The following DNAJC1 variants were observed in gnomAD, a reference collection of about 807,000 sequenced individuals.
DNAJC1 encodes dnaJ homolog subfamily C member 1.
Under a neutral mutation model 76.6 loss-of-function variants are expected in DNAJC1, and 58 were observed. The ratio of observed to expected loss-of-function variants is 0.76; its 90% CI spans 0.61 to 0.94. The LOEUF is 0.94. DNAJC1 is among the 40% of genes least tolerant of loss of function. The probability of loss-of-function intolerance (pLI) is 0.00; values close to 1 mark genes in which losing one functional copy is unlikely to be tolerated. For synonymous variants in DNAJC1, 258 were observed against 267.9 expected, an observed-to-expected ratio of 0.96 and a Z score of 0.36; for missense variants, 689 against 677.3, an observed-to-expected ratio of 1.02 and a Z score of -0.19.
At position 21,759,222 on chromosome 10, in the gene DNAJC1, C is replaced by A. The variant is rs775518409; in HGVS notation, c.1544G>T (p.Gly515Val). ...LELALQQYPR[G>V]SSDRWDKIAR... is the part of the protein sequence containing the mutation. ...TATTTTGTCCCAGCGGTCAGAGGATCCCCTTGGGTACTGCTGCAACGCCAG... is the reference window on the plus strand; with the variant it reads ...TATTTTGTCCCAGCGGTCAGAGGATACCCTTGGGTACTGCTGCAACGCCAG... The change falls in exon 11 of 12, where the codon GGA (glycine) becomes GTA (valine). Residue 515 changes from glycine to valine, a missense_variant. By Grantham distance (109) the Gly-to-Val change is moderately radical. Transcript: ENST00000376980. 11 of 1,614,194 alleles carry A rather than the reference C, an allele frequency of 6.8e-6. No individual in the cohort carries two copies. The Admixed American group carries it at 1.2e-4, about 17-fold the overall frequency.
At chr10:21,766,676 A>G (rs370563517) in intron 9 of DNAJC1, among the ~76,000 whole-genome samples, 3 of 152,180 alleles carry the variant, frequency 2.0e-5, no homozygotes, top group South Asian at 4.2e-4. Context: ...CTCTTAAAAG[A>G]TACTACTTTC....
intron 6 of DNAJC1, among the ~76,000 whole-genome samples, chr10:21,916,822 T>C (rs1836963639): frequency 6.6e-6 from 1 of 152,144 alleles, no homozygotes; most frequent in Admixed American, 6.5e-5. Flanking sequence ...CAATCTAAAG[T>C]ACTTTCTAAA....
In DNAJC1 at chr10:21,927,292, C is replaced by T. The variant is rs532098070; in HGVS notation, c.371+1214G>A. Reference sequence around the variant, plus strand: ...GACAAGCAGAGGTATTCAAATTAAACGGTTAAGATGAGAATCAAGAATGGT... The same window carrying T: ...GACAAGCAGAGGTATTCAAATTAAATGGTTAAGATGAGAATCAAGAATGGT... On this transcript the variant is annotated intron_variant, in intron 3 of 11. Coordinates refer to ENST00000376980, the MANE Select transcript of DNAJC1 (RefSeq NM_022365.4). Among the ~76,000 whole-genome samples, 19 of 152,238 alleles carry T rather than the reference C, an allele frequency of 1.2e-4. No homozygotes were observed. The South Asian group carries it at 3.1e-3, about 25-fold the overall frequency.
intron 8 of DNAJC1, among the ~76,000 whole-genome samples, chr10:21,844,580 G>A (rs771739896): frequency 1.3e-5 from 2 of 152,008 alleles, no homozygotes; most frequent in Non-Finnish European, 2.9e-5. Context: ...ATTCAACTTT[G>A]CATTTTTGAT....
At chr10:21,804,048 C>T (rs1834852143) in intron 9 of DNAJC1, 4 of 760,662 alleles carry the variant, frequency 5.3e-6, no homozygotes, top group Non-Finnish European at 6.4e-6. Context: ...ATGCTTTTGA[C>T]AGCACCAAGA....
Position 22,003,445 on chromosome 10 carries a change from T to A in DNAJC1, c.-11A>T, listed in dbSNP as rs1445331704. ...GCAAGGAGCCGTCATCGCGCTGGGC[T>A]CGGAAAGGTCACCCGCCGCGCAGCT... On this transcript the variant is annotated 5_prime_UTR_variant, in exon 1 of 12. Transcript: ENST00000376980. The A allele has an allele frequency of 3.0e-6, 4 of 1,354,842 alleles. No homozygotes were observed. Among genetic ancestry groups the A allele is most frequent in the Non-Finnish European group, 3.8e-6 (4 of 1,058,860 alleles). 83.9% of individuals were successfully genotyped at this position (1,354,842 alleles called of 1,614,324 possible). A position where few individuals can be genotyped will look rare whatever the true frequency, so the allele number is the denominator to read the frequency against.
rs1297246810 is a variant in DNAJC1 at position 21,837,851 on chromosome 10, C to T, written c.979-31752G>A. Among the ~76,000 whole-genome samples, 47 of 140,328 alleles carry T rather than the reference C, an allele frequency of 3.3e-4. 1 individual carries two copies. Among genetic ancestry groups the T allele is most frequent in the African/African-American group, 1.1e-3 (41 of 37,862 alleles). The allele number at this position is 140,328 out of a possible 152,430, so 92.1% of individuals were successfully genotyped here. A position where few individuals can be genotyped will look rare whatever the true frequency, so the allele number is the denominator to read the frequency against. On this transcript the variant is annotated intron_variant, in intron 8 of 11. Transcript: ENST00000376980. ...GGGGGGCAGCCCCCGCCTGGCCAGC[C>T]GCCCCGTCCGGGAGGGAGGTGGGGG...
intron 9 of DNAJC1, among the ~76,000 whole-genome samples, chr10:21,771,348 G>A (rs7899191): frequency 0.033 from 4,970 of 152,242 alleles, 130 homozygotes; most frequent in Middle Eastern, 0.065. Flanking sequence ...AGACATCCTT[G>A]TTTTGTTCTT....
intron 1 of DNAJC1, among the ~76,000 whole-genome samples, chr10:21,995,982 A>G (rs1448276699): frequency 1.3e-5 from 2 of 152,090 alleles, no homozygotes; most frequent in East Asian, 3.8e-4. Flanking sequence ...CTATGCTGTT[A>G]TTTAAAACAT....
At chr10:21,865,719 T>C (rs1835987084) in intron 8 of DNAJC1, 1 of 152,166 alleles carries the variant, frequency 6.6e-6, no homozygotes, top group Non-Finnish European at 1.5e-5. Context: ...TTTATTTTTA[T>C]ATCATTGGTA....
intron 6 of DNAJC1, among the ~76,000 whole-genome samples, chr10:21,911,384 T>C (rs1220062481): frequency 6.6e-6 from 1 of 152,204 alleles, no homozygotes; most frequent in Non-Finnish European, 1.5e-5. Context: ...TGACTTATAC[T>C]ATAATCTCAG....
At chr10:21,868,440 G>T (rs530306027) in intron 8 of DNAJC1, among the ~76,000 whole-genome samples, 2 of 151,998 alleles carry the variant, frequency 1.3e-5, no homozygotes, top group South Asian at 4.2e-4. Flanking sequence ...TTCTTAAATA[G>T]AGAAATAATT....
Position 21,813,244 on chromosome 10 carries a change from A to ATATATG in DNAJC1, c.979-7146_979-7145insCATATA, listed in dbSNP as rs1429581567. ...TCTATATATATATATATATATATATACACATACAGCTTCTGCCTTGCTCTT... is the reference window on the plus strand; with the variant it reads ...TCTATATATATATATATATATATATATATATGCACATACAGCTTCTGCCTTGCTCTT... On this transcript the variant is annotated intron_variant, in intron 8 of 11. Transcript: ENST00000376980. 4.9e-4 allele frequency among the ~76,000 whole-genome samples: 60 copies of ATATATG among 122,898 alleles called. 2 individuals are homozygous for ATATATG. The highest frequency in any genetic ancestry group is 4.0e-3 in the Middle Eastern group (1 of 248). The allele number at this position is 122,898 out of a possible 152,430, so 80.6% of individuals were successfully genotyped here.
chr10:21,907,578 G>A (rs908225882), intron 6 of DNAJC1, among the ~76,000 whole-genome samples: 9 of 152,040 alleles, frequency 5.9e-5, no homozygotes, highest in Non-Finnish European at 2.9e-5. Flanking sequence ...AGAAGACTGG[G>A]GATAACTTCA....
At chr10:21,918,998 G>A in intron 5 of DNAJC1, 126 bp from the exon 6 acceptor site, 1 of 647,414 alleles carries the variant, frequency 1.5e-6, no homozygotes, top group Non-Finnish European at 2.7e-6. Flanking sequence ...CAAAAAAAAT[G>A]AAGAAAGTAT....
chr10:21,919,640 GA>G (rs1244863348), intron 5 of DNAJC1, among the ~76,000 whole-genome samples, 191 bp downstream of exon 5: 1 of 151,800 alleles, frequency 6.6e-6, no homozygotes, highest in African/African-American at 2.4e-5. Context: ...TTATATGGGG[GA>G]AAAAACCTGA....
chr10:21,772,271 CTTTTTTTTTTT>C (rs398045895), intron 9 of DNAJC1, among the ~76,000 whole-genome samples: 4 of 93,044 alleles, frequency 4.3e-5, no homozygotes, highest in African/African-American at 8.6e-5. Flanking sequence ...CACCCCTCTT[CTTTTTTTTTTT>C]TTTTTTTTTT....
intron 7 of DNAJC1, among the ~76,000 whole-genome samples, chr10:21,897,346 A>G (rs1345934612): frequency 6.6e-6 from 1 of 152,214 alleles, no homozygotes; most frequent in Non-Finnish European, 1.5e-5. Flanking sequence ...ATATCACATA[A>G]TCACAATTAT....
At chr10:21,863,410 C>T (rs1835948217) in intron 8 of DNAJC1, among the ~76,000 whole-genome samples, 1 of 151,922 alleles carries the variant, frequency 6.6e-6, no homozygotes, top group Non-Finnish European at 1.5e-5. Context: ...ATGGTCAGAC[C>T]TCTTCAAATG....
Sources: gnomAD v4.1 joint callset for allele counts (sites outside exome capture counted in the v4.1 genomes callset) on GRCh38, gnomAD v4.1.1 for gene constraint, MANE v1.5 for transcripts, NCBI Gene and HGNC (gene_info 2026-07-23, HGNC 2026-07-21) for gene names.